The following GCC2 variants were observed in gnomAD, a reference collection of about 807,000 sequenced individuals.
The protein encoded by GCC2 is GRIP and coiled-coil domain containing 2.
Under a neutral mutation model 210.6 loss-of-function variants are expected in GCC2, and 120 were observed. That is an observed-to-expected ratio of 0.57 (90% CI 0.49 to 0.66). The LOEUF (loss-of-function observed/expected upper bound fraction) is 0.66. Ranked by LOEUF, GCC2 falls within the 30% of genes least tolerant of loss-of-function variation. GCC2 has a pLI of 0.00. For synonymous variants in GCC2, 703 were observed against 652.7 expected (o/e 1.08, Z -1.17); for missense variants, 1,868 against 1,871.9 (o/e 1.00, Z 0.04).
intron 13 of GCC2, among the ~76,000 whole-genome samples, chr2:108,485,165 CTG>C (rs1324935734): frequency 2.3e-5 from 3 of 128,556 alleles, no homozygotes; most frequent in Admixed American, 8.6e-5. Context: ...ACTCTGGGGA[CTG>C]TGGTGGGGTG....
intron 21 of GCC2, among the ~76,000 whole-genome samples, 157 bp downstream of exon 21, chr2:108,497,266 G>A (rs1219928174): frequency 2.0e-5 from 3 of 152,026 alleles, no homozygotes; most frequent in East Asian, 1.9e-4. Context: ...ACAGGTGCCC[G>A]CCAACATGCC....
chr2:108,454,256 C>G (rs1043618704), intron 4 of GCC2, among the ~76,000 whole-genome samples: 2 of 152,210 alleles, frequency 1.3e-5, no homozygotes, highest in African/African-American at 4.8e-5. Flanking sequence ...TCCCGAAGTG[C>G]TGGGTTTACG....
Position 108,451,069 on chromosome 2 carries a change from G to T in GCC2, c.105G>T (p.Lys35Asn). ...LPKEDLIKFA[K>N]KQMMLIQKAK... ...AAGAAGACCTCATCAAGTTTGCCAA[G>T]AAACAGATGATGCTAATACAGAAAG... is the stretch of plus-strand genomic sequence containing the variant. The change falls in exon 3 of 23, where the codon AAG (lysine) becomes AAT (asparagine). Residue 35 changes from lysine to asparagine, a missense_variant. Lys to Asn is a moderately conservative substitution (Grantham distance 94, BLOSUM62 0). Around this residue, in one of 3 missense-constraint regions of GCC2, gnomAD observed 1,847 missense variants for 1,765.2 expected, o/e 1.05. Transcript: ENST00000309863. The T allele has an allele frequency of 6.2e-7, 1 of 1,613,108 alleles. No individual in the cohort carries two copies. Among genetic ancestry groups the T allele is most frequent in the East Asian group, 2.2e-5 (1 of 44,864 alleles).
In GCC2 at chr2:108,484,141, A is replaced by ATT; in HGVS notation, c.3451-7_3451-6insTT. Reference sequence around the variant, plus strand: ...ATTGTGTAAATCTTTTACTTATAAAATGTGCAGGATGCCCAACAAACCACA... The same window carrying ATT: ...ATTGTGTAAATCTTTTACTTATAAAATTTGTGCAGGATGCCCAACAAACCACA... On this transcript the variant is annotated splice_region_variant and splice_polypyrimidine_tract_variant and intron_variant, in intron 12 of 22. Transcript: ENST00000309863. The ATT allele has an allele frequency of 6.4e-7, 1 of 1,554,870 alleles. No homozygotes were observed.
chr2:108,467,783 G>C (rs1277884189), intron 4 of GCC2, among the ~76,000 whole-genome samples: 2 of 152,178 alleles, frequency 1.3e-5, no homozygotes, highest in Admixed American at 1.3e-4. Flanking sequence ...TGATTTTATA[G>C]AATAACTTGG....
At position 108,471,150 on chromosome 2, in the gene GCC2, T is replaced by G. The variant is rs773730114; in HGVS notation, c.1821T>G (p.His607Gln). Reference sequence around the variant, plus strand: ...TTATAAATAAACTGAAAAATTCCCATGAAGAAATGGATAATTTCCATAAGA... The same window carrying G: ...TTATAAATAAACTGAAAAATTCCCAGGAAGAAATGGATAATTTCCATAAGA... ...DDFINKLKNSHEEMDNFHKKC... is the reference protein window; with the variant it reads ...DDFINKLKNSQEEMDNFHKKC... The change falls in exon 6 of 23, where the codon CAT becomes CAG. Residue 607 changes from histidine (H) to glutamine (Q), a missense_variant. By Grantham distance (24) the His-to-Gln change is conservative. This residue lies in a region of GCC2 where 1,847 missense variants were observed against 1,765.2 expected (regional missense o/e 1.05). Transcript: ENST00000309863. 2.1e-5 allele frequency: 33 copies of G among 1,591,174 alleles called. No homozygotes were observed. Among genetic ancestry groups the G allele is most frequent in the Non-Finnish European group, 2.7e-5 (32 of 1,164,812 alleles).
chr2:108,506,464 A>G (rs1467216282), intron 22 of GCC2, among the ~76,000 whole-genome samples: 8 of 152,228 alleles, frequency 5.3e-5, no homozygotes, highest in Admixed American at 5.2e-4. Context: ...GAGTGGGAGA[A>G]GCAGCCAGGG....
chr2:108,506,991 G>A (rs1683224063), intron 22 of GCC2, among the ~76,000 whole-genome samples: 1 of 152,136 alleles, frequency 6.6e-6, no homozygotes, highest in African/African-American at 2.4e-5. Context: ...ATTGCTTCAT[G>A]TTGCTTATCA....
In GCC2 at chr2:108,470,244, C is replaced by T; in HGVS notation, c.915C>T (p.Ala305=). ...GTGAGTTAGAAAATTTAAGGAAAGC[C>T]ACCTCAAATGCAAACCAAGACAATC... The part of the protein sequence containing the change: ...YECELENLRK[A]TSNANQDNQI... The change falls in exon 6 of 23, where the codon GCC becomes GCT. Residue 305 remains alanine, a synonymous_variant. Coordinates refer to ENST00000309863, the MANE Select transcript of GCC2 (RefSeq NM_181453.4). 1 of 1,613,294 alleles carries T rather than the reference C, an allele frequency of 6.2e-7. No individual in the cohort carries two copies. Among genetic ancestry groups the T allele is most frequent in the Non-Finnish European group, 8.5e-7 (1 of 1,179,622 alleles).
At chr2:108,459,745 CTTTTTTTTTTTTTTTTT>C (rs34052393) in intron 4 of GCC2, among the ~76,000 whole-genome samples, 1,139 of 26,876 alleles carry the variant, frequency 0.042, 43 homozygotes, top group South Asian at 0.092. Flanking sequence ...CCTTCTTTGT[CTTTTTTTTTTTTTTTTT>C]TTTTTTTTTT....
At position 108,469,645 on chromosome 2, in the gene GCC2, T is replaced by C; in HGVS notation, c.322-6T>C. 1 of 1,563,954 alleles carries C rather than the reference T, an allele frequency of 6.4e-7. No individual in the cohort carries two copies. Among genetic ancestry groups the C allele is most frequent in the Non-Finnish European group, 8.6e-7 (1 of 1,159,070 alleles). On this transcript the variant is annotated splice_region_variant and splice_polypyrimidine_tract_variant and intron_variant, in intron 5 of 22. Transcript: ENST00000309863. ...ATAATTTATGTGTGCTTATTTTTTG[T>C]AATAGGATTCTGTAACAAAGATGGG...
chr2:108,475,443 G>C (rs535373839), intron 7 of GCC2, 92 bp from the exon 8 acceptor site: 4 of 537,924 alleles, frequency 7.4e-6, no homozygotes, highest in African/African-American at 3.9e-5. Context: ...TACCAATTTT[G>C]TGCTCCCAAA....
At chr2:108,483,036 T>G in intron 11 of GCC2, 26 bp from the exon 12 acceptor site, 1 of 1,175,978 alleles carries the variant, frequency 8.5e-7, no homozygotes. Context: ...TTGGGTGGTG[T>G]GGGTTGTTTT....
At chr2:108,486,079 G>C (rs938655353) in intron 15 of GCC2, among the ~76,000 whole-genome samples, 171 bp downstream of exon 15, 1 of 152,024 alleles carries the variant, frequency 6.6e-6, no homozygotes, top group South Asian at 2.1e-4. Context: ...ATATTATTTG[G>C]CTCAAGCTAG....
intron 4 of GCC2, among the ~76,000 whole-genome samples, chr2:108,463,044 G>A (rs1485366147): frequency 6.6e-6 from 1 of 151,744 alleles, no homozygotes; most frequent in Non-Finnish European, 1.5e-5. Context: ...TTTCTATGTG[G>A]TTCTTTTTTT....
chr2:108,500,871 TTC>T (rs1258547702), intron 22 of GCC2, among the ~76,000 whole-genome samples: 1 of 152,162 alleles, frequency 6.6e-6, no homozygotes, highest in Non-Finnish European at 1.5e-5. Flanking sequence ...TTTATTGGAT[TTC>T]TCTGTCACCT....
intron 22 of GCC2, among the ~76,000 whole-genome samples, chr2:108,500,973 G>A (rs535083750): frequency 5.2e-4 from 79 of 152,146 alleles, no homozygotes; most frequent in African/African-American, 1.3e-3. Context: ...TTTGGTTGAT[G>A]TTCCTTAAGC....
chr2:108,478,302 C>A (rs571979369), intron 9 of GCC2, among the ~76,000 whole-genome samples: 1 of 151,872 alleles, frequency 6.6e-6, no homozygotes, highest in East Asian at 1.9e-4. Flanking sequence ...TATAAACTTA[C>A]GTATAAAAAT....
At chr2:108,485,948 C>T (rs1259167623) in intron 15 of GCC2, 40 bp downstream of exon 15, 1 of 989,852 alleles carries the variant, frequency 1.0e-6, no homozygotes, top group African/African-American at 1.7e-5. Context: ...AATGTTTTTT[C>T]ATGTAGAAGT....
Sources: allele counts gnomAD v4.1 joint callset (sites outside exome capture counted in the v4.1 genomes callset), GRCh38; gene constraint gnomAD v4.1.1; regional missense constraint gnomAD v4.1.1; transcripts MANE v1.5; gene names NCBI Gene and HGNC (gene_info 2026-07-23, HGNC 2026-07-21).